SYNE2: variants seen among roughly 807,000 people sequenced by gnomAD.
SYNE2 encodes nesprin-2.
Under a neutral mutation model 856.3 loss-of-function variants are expected in SYNE2, and 431 were observed. The observed-to-expected ratio is 0.50, with a 90% CI of 0.47 to 0.55. SYNE2 has a LOEUF of 0.55. SYNE2 is among the 20% of genes least tolerant of loss of function. The probability of loss-of-function intolerance (pLI) is 0.00; values close to 1 mark genes in which losing one functional copy is unlikely to be tolerated. For missense variants in SYNE2, 8,129 were observed against 8,023.2 expected, an observed-to-expected ratio of 1.01 and a Z score of -0.50; for synonymous variants, 2,923 against 2,872.3, an observed-to-expected ratio of 1.02 and a Z score of -0.56.
rs1273639990 is a variant in SYNE2, at chr14:63,997,094, C to G, written c.3088C>G (p.Leu1030Val). 2 of 1,614,106 alleles carry G rather than the reference C, an allele frequency of 1.2e-6. No homozygotes were observed. The highest frequency in any genetic ancestry group is 1.7e-5 in the Admixed American group (1 of 60,008). ...TTATGAACAAAAGATAGAAAGACTTCTGAAATGTGCTTCCGAGATTCATAT... is the reference window on the plus strand; with the variant it reads ...TTATGAACAAAAGATAGAAAGACTTGTGAAATGTGCTTCCGAGATTCATAT... The part of the protein sequence containing the change: ...KDYEQKIERL[L>V]KCASEIHMTL... The change falls in exon 24 of 116, where the codon CTG becomes GTG. Residue 1030 changes from leucine to valine, a missense_variant. Transcript: ENST00000555002.
intron 1 of SYNE2, among the ~76,000 whole-genome samples, chr14:63,896,657 G>A (rs1056031388): frequency 6.6e-6 from 1 of 152,192 alleles, no homozygotes; most frequent in Non-Finnish European, 1.5e-5. Flanking sequence ...GCCCAAGGCC[G>A]AGTGGTCAGT....
chr14:63,779,107 G>C (rs2139730430), intron 1 of SYNE2, among the ~76,000 whole-genome samples: 1 of 151,988 alleles, frequency 6.6e-6, no homozygotes, highest in Non-Finnish European at 1.5e-5. Flanking sequence ...ATCACCTGAG[G>C]TCAGGAGTTC....
rs369489216 is a variant in SYNE2, at chr14:64,034,953, A to G, written c.7221+3596A>G. Among the ~76,000 whole-genome samples the G allele has an allele frequency of 1.3e-3, 198 of 150,910 alleles. 2 individuals are homozygous for G. The highest frequency in any genetic ancestry group is 4.3e-3 in the African/African-American group (178 of 40,986). ...TTTATTATTTTTTTTCTAAAAAATC[A>G]TAATACAACATTACAGCTTATCTAG... On this transcript the variant is annotated intron_variant, in intron 45 of 115. Coordinates refer to ENST00000555002, the MANE Select transcript of SYNE2 (RefSeq NM_182914.3).
chr14:63,978,055 T>C, intron 13 of SYNE2, 38 bp downstream of exon 13: 4 of 1,368,484 alleles, frequency 2.9e-6, no homozygotes, highest in Non-Finnish European at 4.2e-6. Flanking sequence ...CTGTCACTAT[T>C]CACGTTTGAG....
At position 64,119,573 on chromosome 14, in the gene SYNE2, C is replaced by T. The variant is rs139436206; in HGVS notation, c.12987C>T (p.Val4329=). The change falls in exon 67 of 116, where the codon GTC becomes GTT. Residue 4329 remains valine, a synonymous_variant. Coordinates refer to ENST00000555002, the MANE Select transcript of SYNE2 (RefSeq NM_182914.3). ...CAGTGAAGTGCAATTTAGAAAAAGT[C>T]CAGATGATGCTTCAGGAGAAGCACA... ...LKTVKCNLEK[V]QMMLQEKHSE... is the part of the protein sequence containing the mutation. 125 of 1,614,082 alleles carry T rather than the reference C, an allele frequency of 7.7e-5. No homozygotes were observed. The African/African-American group carries it at 1.3e-3, about 17-fold the overall frequency.
intron 78 of SYNE2, among the ~76,000 whole-genome samples, chr14:64,136,228 T>C (rs531438759): frequency 7.0e-6 from 1 of 143,018 alleles, no homozygotes; most frequent in South Asian, 2.2e-4. Context: ...AGTCGGAGGC[T>C]GCAGTGAGCT....
At chr14:64,158,541 T>C in intron 85 of SYNE2, 84 bp from the exon 86 acceptor site, 1 of 1,480,174 alleles carries the variant, frequency 6.8e-7, no homozygotes, top group South Asian at 1.2e-5. Flanking sequence ...TTGAAATGCC[T>C]AAATTGGACA....
intron 2 of SYNE2, among the ~76,000 whole-genome samples, chr14:63,931,665 C>G (rs1343891712): frequency 3.3e-5 from 5 of 152,012 alleles, no homozygotes; most frequent in Non-Finnish European, 7.4e-5. Flanking sequence ...TCCTTAATAC[C>G]TTTAGTATTT....
intron 1 of SYNE2, among the ~76,000 whole-genome samples, chr14:63,777,756 A>C (rs1176635381): frequency 6.6e-6 from 1 of 151,826 alleles, no homozygotes; most frequent in African/African-American, 2.4e-5. Flanking sequence ...GTAACCCGGA[A>C]CTCCTGGGCC....
intron 1 of SYNE2, among the ~76,000 whole-genome samples, chr14:63,773,392 G>A (rs1248371090): frequency 6.6e-6 from 1 of 151,624 alleles, no homozygotes; most frequent in African/African-American, 2.4e-5. Context: ...TAGAGACAGG[G>A]GTCTTCCCAT....
intron 71 of SYNE2, among the ~76,000 whole-genome samples, chr14:64,125,703 G>C (rs2097938096): frequency 6.6e-6 from 1 of 152,152 alleles, no homozygotes; most frequent in African/African-American, 2.4e-5. Flanking sequence ...AAGAAAAAGA[G>C]GTGGCCCCAG....
In SYNE2 at chr14:64,100,532, ATATATATATATAT is replaced by A. The variant is rs1169053455; in HGVS notation, c.12382-1399_12382-1387del. Among the ~76,000 whole-genome samples, 49 of 43,184 alleles carry A rather than the reference ATATATATATATAT, an allele frequency of 1.1e-3. 9 individuals carry two copies. The highest frequency in any genetic ancestry group is 3.1e-3 in the African/African-American group (37 of 12,060). The allele number at this position is 43,184 out of a possible 152,430, so 28.3% of individuals were successfully genotyped here. On this transcript the variant is annotated intron_variant, in intron 63 of 115. Coordinates refer to ENST00000555002, the MANE Select transcript of SYNE2 (RefSeq NM_182914.3). ...ACTGTCTCAAAAAAAAAAAAAAAAA[ATATATATATATAT>A]ATATATATATATATATATATATATA...
At chr14:64,223,476 G>A (rs1386703131) in intron 113 of SYNE2, 96 bp downstream of exon 113, 1 of 1,445,820 alleles carries the variant, frequency 6.9e-7, no homozygotes, top group Non-Finnish European at 9.6e-7. Flanking sequence ...GAGGCCAGAA[G>A]CAAGGGCCAG....
chr14:63,931,644 A>C (rs1297013360), intron 2 of SYNE2, among the ~76,000 whole-genome samples: 1 of 152,190 alleles, frequency 6.6e-6, no homozygotes, highest in African/African-American at 2.4e-5. Context: ...CCATCTAATA[A>C]GTAAGTTTTA....
chr14:63,995,224 T>A, intron 23 of SYNE2, 22 bp downstream of exon 23: 1 of 1,595,292 alleles, frequency 6.3e-7, no homozygotes, highest in South Asian at 1.1e-5. Context: ...TGTTTCCACT[T>A]AAATTTTGTC....
chr14:64,129,978 T>G (rs1447964102), intron 75 of SYNE2, 70 bp from the exon 76 acceptor site: 37 of 1,613,476 alleles, frequency 2.3e-5, no homozygotes, highest in Non-Finnish European at 3.1e-5. Context: ...CAGCAGAGTT[T>G]AGATTTGTCT....
chr14:64,214,587 T>C, intron 106 of SYNE2, 117 bp downstream of exon 106: 1 of 1,042,200 alleles, frequency 9.6e-7, no homozygotes, highest in Non-Finnish European at 1.4e-6. Flanking sequence ...GACCCTGACT[T>C]CTGTGGTTTC....
intron 1 of SYNE2, among the ~76,000 whole-genome samples, chr14:63,829,023 TA>T (rs1250622850): frequency 6.6e-6 from 1 of 151,972 alleles, no homozygotes; most frequent in East Asian, 1.9e-4. Flanking sequence ...ATGGCTATAA[TA>T]AAAAAAGACC....
At chr14:64,024,589 A>G in intron 39 of SYNE2, 130 bp downstream of exon 39, 1 of 927,880 alleles carries the variant, frequency 1.1e-6, no homozygotes, top group South Asian at 1.5e-5. Context: ...GTACTTTTCA[A>G]TCCAGGTTTG....
Sources: allele counts gnomAD v4.1 joint callset (sites outside exome capture counted in the v4.1 genomes callset), GRCh38; gene constraint gnomAD v4.1.1; transcripts MANE v1.5; gene names NCBI Gene and HGNC (gene_info 2026-07-23, HGNC 2026-07-21).